The following ASH2L variants were observed in gnomAD, a reference collection of about 807,000 sequenced individuals.
ASH2L encodes the protein set1/Ash2 histone methyltransferase complex subunit ASH2.
ASH2L carries 30 observed loss-of-function variants against 81.1 expected under a neutral mutation model. The ratio of observed to expected loss-of-function variants is 0.37; its 90% CI spans 0.28 to 0.50. The LOEUF (loss-of-function observed/expected upper bound fraction) is 0.50. ASH2L is among the 20% of genes least tolerant of loss of function. ASH2L has a pLI of 0.95. For synonymous variants in ASH2L, 273 were observed against 279.9 expected, an observed-to-expected ratio of 0.98 and a Z score of 0.24; for missense variants, 559 against 792.1, an observed-to-expected ratio of 0.71 and a Z score of 3.53.
intron 10 of ASH2L, among the ~76,000 whole-genome samples, chr8:38,124,855 G>C (rs1801770374): frequency 6.6e-6 from 1 of 152,216 alleles, no homozygotes; most frequent in Non-Finnish European, 1.5e-5. Context: ...GTAAAGAAAA[G>C]AGGTTTATTT....
intron 9 of ASH2L, among the ~76,000 whole-genome samples, chr8:38,120,616 CTT>C (rs1331324696): frequency 2.8e-5 from 1 of 35,476 alleles, no homozygotes; most frequent in Non-Finnish European, 8.0e-5. Flanking sequence ...CCTCTCCTCC[CTT>C]CCCCCCCCCC....
At chr8:38,116,482 G>A (rs553981871) in intron 7 of ASH2L, among the ~76,000 whole-genome samples, 168 bp from the exon 8 acceptor site, 9 of 152,284 alleles carry the variant, frequency 5.9e-5, no homozygotes, top group Admixed American at 5.2e-4. Flanking sequence ...GCAGTAAGCC[G>A]AGATCGCGCC....
At chr8:38,115,660 C>T (rs1563252722) in intron 7 of ASH2L, among the ~76,000 whole-genome samples, 1 of 152,248 alleles carries the variant, frequency 6.6e-6, no homozygotes, top group East Asian at 1.9e-4. Context: ...CAAGATTTCA[C>T]ATAGAAATTT....
At chr8:38,107,857 G>C (rs1179321935) in intron 3 of ASH2L, among the ~76,000 whole-genome samples, 1 of 145,822 alleles carries the variant, frequency 6.9e-6, no homozygotes, top group Non-Finnish European at 1.5e-5. Context: ...AGATTGTGAA[G>C]AAATACATAT....
intron 3 of ASH2L, 133 bp from the exon 4 acceptor site, chr8:38,110,246 A>C (rs1810628668): frequency 1.4e-6 from 1 of 692,612 alleles, no homozygotes; most frequent in East Asian, 2.6e-5. Flanking sequence ...GGGAACGTCA[A>C]GTCTGCAGTG....
intron 3 of ASH2L, among the ~76,000 whole-genome samples, chr8:38,107,980 G>A (rs1810523182): frequency 6.6e-6 from 1 of 151,182 alleles, no homozygotes; most frequent in Non-Finnish European, 1.5e-5. Context: ...TGCTGCCCAG[G>A]CTGGAGTGCA....
intron 8 of ASH2L, among the ~76,000 whole-genome samples, chr8:38,118,886 GA>G (rs1473139803): frequency 3.3e-5 from 5 of 151,954 alleles, no homozygotes; most frequent in East Asian, 1.9e-4. Flanking sequence ...TAATTTGGAT[GA>G]AAAAAAATGT....
Position 38,139,718 on chromosome 8 carries a change from TC to T in ASH2L, c.*650del, listed in dbSNP as rs1802401863. The T allele has an allele frequency of 6.6e-6, 1 of 152,274 alleles. No individual in the cohort carries two copies. The highest frequency in any genetic ancestry group is 2.4e-5 in the African/African-American group (1 of 41,564). The allele number at this position is 152,274 out of a possible 1,614,324, so 9.4% of individuals were successfully genotyped here. On this transcript the variant is annotated 3_prime_UTR_variant, in exon 16 of 16. Transcript: ENST00000343823. ...TTTGAAGTTTATGTGACACTTTGCT[TC>T]CCTTCAGATTGGGTGCCTCTTGGTG...
At chr8:38,108,630 C>T (rs1359938296) in intron 3 of ASH2L, among the ~76,000 whole-genome samples, 1 of 151,128 alleles carries the variant, frequency 6.6e-6, no homozygotes, top group Non-Finnish European at 1.5e-5. Context: ...CCAGCCTGAC[C>T]AACATGGTGA....
Position 38,133,493 on chromosome 8 carries a change from A to G in ASH2L, c.1567A>G (p.Lys523Glu). ...CAAGAGTTATTTGTATTTTGAGGAA[A>G]AAGACTTTGTGGATAAAGCAGAGAA... ...KFKSYLYFEE[K>E]DFVDKAEKSL... Residue 523 changes from lysine to glutamate, a missense_variant, in exon 13 of 16, where the codon AAA (lysine) becomes GAA (glutamate). Physicochemically the swap from Lys to Glu is moderately conservative, Grantham distance 56. This residue lies in a region of ASH2L where 1 missense variants were observed against 18.8 expected (regional missense o/e 0.05). Coordinates refer to ENST00000343823, the MANE Select transcript of ASH2L (RefSeq NM_004674.5). 1 of 1,611,150 alleles carries G rather than the reference A, an allele frequency of 6.2e-7. No homozygotes were observed. Among genetic ancestry groups the G allele is most frequent in the Non-Finnish European group, 8.5e-7 (1 of 1,179,848 alleles).
chr8:38,113,897 T>C (rs1177671737), intron 5 of ASH2L, among the ~76,000 whole-genome samples: 1 of 152,214 alleles, frequency 6.6e-6, no homozygotes, highest in African/African-American at 2.4e-5. Flanking sequence ...CATCTTCCAA[T>C]TGACAGCCAA....
intron 12 of ASH2L, among the ~76,000 whole-genome samples, chr8:38,133,005 T>G (rs1802119043): frequency 6.6e-6 from 1 of 151,814 alleles, no homozygotes; most frequent in Non-Finnish European, 1.5e-5. Flanking sequence ...GAGAATCGCT[T>G]GAACCCGGGA....
chr8:38,108,459 A>T (rs1015642608), intron 3 of ASH2L, among the ~76,000 whole-genome samples: 1 of 152,112 alleles, frequency 6.6e-6, no homozygotes, highest in Non-Finnish European at 1.5e-5. Context: ...AACAGTTTGT[A>T]ACTGAATTTC....
At chr8:38,107,255 A>G in intron 3 of ASH2L, 89 bp downstream of exon 3, 1 of 1,536,700 alleles carries the variant, frequency 6.5e-7, no homozygotes, top group Non-Finnish European at 9.0e-7. Context: ...AAATAAATGC[A>G]AAGTATTTCC....
At chr8:38,136,781 A>G (rs1802272353) in intron 14 of ASH2L, among the ~76,000 whole-genome samples, 1 of 151,440 alleles carries the variant, frequency 6.6e-6, no homozygotes, top group African/African-American at 2.4e-5. Context: ...TCAAAAAAAA[A>G]AAAAAGAAAG....
intron 10 of ASH2L, among the ~76,000 whole-genome samples, chr8:38,125,279 T>C (rs938541053): frequency 7.9e-5 from 12 of 152,258 alleles, no homozygotes; most frequent in Middle Eastern, 3.4e-3. Context: ...ATTAAAAAAA[T>C]ATATATATCA....
intron 3 of ASH2L, among the ~76,000 whole-genome samples, chr8:38,109,859 T>G (rs1053185679): frequency 6.6e-6 from 1 of 152,224 alleles, no homozygotes; most frequent in African/African-American, 2.4e-5. Context: ...GCCTGGCATA[T>G]TCTTTTTAGG....
At chr8:38,132,523 G>T (rs1174886519) in intron 12 of ASH2L, among the ~76,000 whole-genome samples, 5 of 152,240 alleles carry the variant, frequency 3.3e-5, no homozygotes, top group African/African-American at 1.2e-4. Context: ...TGTAGGCTTG[G>T]TGCAGTGGCT....
chr8:38,122,106 A>G (rs1216402042), intron 10 of ASH2L, among the ~76,000 whole-genome samples: 1 of 151,952 alleles, frequency 6.6e-6, no homozygotes, highest in Non-Finnish European at 1.5e-5. Context: ...ACTCATATAT[A>G]TTTACTTTAT....
Sources: allele counts gnomAD v4.1 joint callset (sites outside exome capture counted in the v4.1 genomes callset), GRCh38; gene constraint gnomAD v4.1.1; regional missense constraint gnomAD v4.1.1; transcripts MANE v1.5; gene names NCBI Gene and HGNC (gene_info 2026-07-23, HGNC 2026-07-21).